Variants in SETBP1 observed in about 807,000 individuals in gnomAD.
The protein encoded by SETBP1 is SET binding protein 1, also known as SET-binding protein.
SETBP1 carries 9 observed loss-of-function variants against 101.0 expected under a neutral mutation model. The observed-to-expected ratio is 0.09, with a 90% CI of 0.05 to 0.16. The LOEUF (loss-of-function observed/expected upper bound fraction) is 0.16. Ranked by LOEUF, SETBP1 falls within the 10% of genes least tolerant of loss-of-function variation. SETBP1 has a pLI of 1.00. For synonymous variants in SETBP1, 818 were observed against 788.5 expected (o/e 1.04, Z -0.63); for missense variants, 1,858 against 2,033.8 (o/e 0.91, Z 1.66).
intron 5 of SETBP1, among the ~76,000 whole-genome samples, chr18:45,044,575 T>C (rs1317037129): frequency 6.6e-6 from 1 of 152,180 alleles, no homozygotes; most frequent in Non-Finnish European, 1.5e-5. Flanking sequence ...TGATTTAATC[T>C]GAACCTCCTA....
intron 2 of SETBP1, among the ~76,000 whole-genome samples, chr18:44,831,193 T>C (rs1195369141): frequency 6.6e-6 from 1 of 152,206 alleles, no homozygotes; most frequent in Non-Finnish European, 1.5e-5. Flanking sequence ...TCAACTGATG[T>C]GGAGTAGTGT....
chr18:44,701,167 C>A lies in SETBP1; in HGVS notation c.-172-8C>A. 1.9e-6 allele frequency: 1 copy of A among 536,678 alleles called. No homozygotes were observed. Among genetic ancestry groups the A allele is most frequent in the Non-Finnish European group, 3.0e-6 (1 of 328,558 alleles). The allele number at this position is 536,678 out of a possible 1,614,324, so 33.2% of individuals were successfully genotyped here. On this transcript the variant is annotated splice_region_variant and splice_polypyrimidine_tract_variant and intron_variant, in intron 1 of 5. Transcript: ENST00000649279. ...TCTGCCATGCCTAACTGTCTCTTTG[C>A]TTCTCAGTTGCAGATCTGATCTCTT...
At chr18:44,913,938 A>G (rs1035316355) in intron 3 of SETBP1, among the ~76,000 whole-genome samples, 6 of 152,110 alleles carry the variant, frequency 3.9e-5, no homozygotes, top group African/African-American at 1.4e-4. Context: ...GCCTTTTGCA[A>G]TACCAAACAT....
intron 2 of SETBP1, among the ~76,000 whole-genome samples, chr18:44,854,039 T>C (rs2072924144): frequency 6.6e-6 from 1 of 152,184 alleles, no homozygotes; most frequent in Admixed American, 6.5e-5. Context: ...CTTGAACTTA[T>C]CACAGCTCTA....
intron 2 of SETBP1, 57 bp from the exon 3 acceptor site, chr18:44,869,173 G>A: frequency 6.8e-7 from 1 of 1,475,656 alleles, no homozygotes; most frequent in Non-Finnish European, 9.5e-7. Flanking sequence ...GTTGTCGTGG[G>A]GATACTGTAT....
chr18:44,994,437 A>G (rs1190709813), intron 4 of SETBP1, among the ~76,000 whole-genome samples: 1 of 152,246 alleles, frequency 6.6e-6, no homozygotes, highest in Non-Finnish European at 1.5e-5. Flanking sequence ...GCTAGGAGGA[A>G]TACCAGTTGA....
rs540845301 is a variant in SETBP1, at chr18:44,974,816, C to T, written c.4000+21476C>T. The stretch of plus-strand genomic sequence containing the variant: ...AAACACAGTCACTGTATGAATTTCA[C>T]TTTCCATTTATGTATAAAATATGCT... On this transcript the variant is annotated intron_variant, in intron 4 of 5. Coordinates refer to ENST00000649279, the MANE Select transcript of SETBP1 (RefSeq NM_015559.3). 2.6e-5 allele frequency among the ~76,000 whole-genome samples: 4 copies of T among 152,292 alleles called. No homozygotes were observed. The South Asian group carries it at 8.3e-4, about 32-fold the overall frequency.
chr18:44,877,467 G>A, intron 3 of SETBP1: 1 of 761,424 alleles, frequency 1.3e-6, no homozygotes, highest in Non-Finnish European at 1.6e-6. Flanking sequence ...TTTGTAATAG[G>A]AATAATGTTC....
chr18:45,059,854 G>A (rs942218489), intron 5 of SETBP1, among the ~76,000 whole-genome samples: 3 of 152,152 alleles, frequency 2.0e-5, no homozygotes, highest in East Asian at 1.9e-4. Flanking sequence ...CTATGAGGTT[G>A]CCTTGGGGGG....
At chr18:44,778,842 A>G (rs2071062407) in intron 2 of SETBP1, among the ~76,000 whole-genome samples, 1 of 152,262 alleles carries the variant, frequency 6.6e-6, no homozygotes, top group Admixed American at 6.5e-5. Context: ...AAGCCCCTGC[A>G]GGAAACTGCC....
chr18:44,919,802 T>TA (rs1455785190), intron 3 of SETBP1, among the ~76,000 whole-genome samples: 3 of 152,028 alleles, frequency 2.0e-5, no homozygotes, highest in Non-Finnish European at 4.4e-5. Flanking sequence ...TATACACACA[T>TA]ATGCATATAC....
chr18:45,024,971 A>T (rs752126137), intron 4 of SETBP1, among the ~76,000 whole-genome samples: 3 of 152,234 alleles, frequency 2.0e-5, no homozygotes, highest in African/African-American at 7.2e-5. Flanking sequence ...AATGAGCCCA[A>T]TGTGAAGGGA....
At chr18:44,915,095 A>G (rs1435595695) in intron 3 of SETBP1, among the ~76,000 whole-genome samples, 1 of 152,188 alleles carries the variant, frequency 6.6e-6, no homozygotes, top group African/African-American at 2.4e-5. Context: ...TTCGTAATGA[A>G]GAAATTTTGC....
chr18:44,712,631 G>A (rs185880421), intron 2 of SETBP1, among the ~76,000 whole-genome samples: 3 of 152,196 alleles, frequency 2.0e-5, no homozygotes. Flanking sequence ...GTGTCATCAG[G>A]TTCCTGAACT....
chr18:45,048,978 C>CAAAAAAAAAAAAAA (rs71177665), intron 5 of SETBP1, among the ~76,000 whole-genome samples: 10 of 46,648 alleles, frequency 2.1e-4, no homozygotes, highest in African/African-American at 4.0e-4. Flanking sequence ...GACTCCGTCT[C>CAAAAAAAAAAAAAA]AAAAAAAAAA....
At chr18:44,973,878 A>C (rs1376270199) in intron 4 of SETBP1, among the ~76,000 whole-genome samples, 7 of 152,146 alleles carry the variant, frequency 4.6e-5, no homozygotes, top group Admixed American at 4.6e-4. Context: ...CAAAGGTTTT[A>C]AGCTGGCAGA....
chr18:44,857,638 T>G (rs1400503489), intron 2 of SETBP1, among the ~76,000 whole-genome samples: 1 of 152,186 alleles, frequency 6.6e-6, no homozygotes, highest in African/African-American at 2.4e-5. Context: ...GTCCTGCTGA[T>G]GTAGGATCTG....
chr18:44,876,687 C>A, intron 3 of SETBP1: 1 of 1,522,954 alleles, frequency 6.6e-7, no homozygotes, highest in Non-Finnish European at 8.8e-7. Flanking sequence ...ACCCATTCCC[C>A]GCAAAACCCG....
chr18:44,741,351 T>G (rs367633806), intron 2 of SETBP1, among the ~76,000 whole-genome samples: 2 of 152,034 alleles, frequency 1.3e-5, no homozygotes, highest in Non-Finnish European at 2.9e-5. Context: ...TGCCTGGGGG[T>G]GGGGATGGGG....
Sources: allele counts gnomAD v4.1 joint callset (sites outside exome capture counted in the v4.1 genomes callset), GRCh38; gene constraint gnomAD v4.1.1; transcripts MANE v1.5; gene names NCBI Gene and HGNC (gene_info 2026-07-23, HGNC 2026-07-21).